The following ALMS1 variants were observed in gnomAD, a reference collection of about 807,000 sequenced individuals.
The protein encoded by ALMS1 is centrosome-associated protein ALMS1.
In ALMS1, 271 loss-of-function variants were observed where a neutral mutation model predicts 352.2. The ratio of observed to expected loss-of-function variants is 0.77; its 90% confidence interval spans 0.70 to 0.85. The LOEUF (loss-of-function observed/expected upper bound fraction) is 0.85. ALMS1 is among the 40% of genes least tolerant of loss of function. The probability of loss-of-function intolerance (pLI) is 0.00; values close to 1 mark genes in which losing one functional copy is unlikely to be tolerated. For missense variants in ALMS1, 5,445 were observed against 4,870.7 expected (o/e 1.12, Z -3.51); for synonymous variants, 1,865 against 1,761.2 (o/e 1.06, Z -1.48).
At chr2:73,476,187 A>G (rs1180234999) in intron 9 of ALMS1, among the ~76,000 whole-genome samples, 2 of 152,038 alleles carry the variant, frequency 1.3e-5, no homozygotes, top group Non-Finnish European at 2.9e-5. Flanking sequence ...TCAGTAGTAT[A>G]TTCTTAAAAT....
intron 10 of ALMS1, among the ~76,000 whole-genome samples, chr2:73,519,534 ATAATT>A (rs1410151557): frequency 6.6e-6 from 1 of 152,220 alleles, no homozygotes; most frequent in Non-Finnish European, 1.5e-5. Flanking sequence ...ACTAAATTAT[ATAATT>A]TAACATTCTA....
At chr2:73,589,348 T>A (rs1573044064) in intron 16 of ALMS1, among the ~76,000 whole-genome samples, 1 of 152,152 alleles carries the variant, frequency 6.6e-6, no homozygotes, top group Admixed American at 6.5e-5. Context: ...AGTGAAATAA[T>A]AGGATTAGAG....
At chr2:73,418,376 A>C (rs1047934885) in intron 2 of ALMS1, among the ~76,000 whole-genome samples, 1 of 152,234 alleles carries the variant, frequency 6.6e-6, no homozygotes, top group Admixed American at 6.5e-5. Context: ...GCTAATAAAA[A>C]TTCAGTCAAG....
intron 9 of ALMS1, among the ~76,000 whole-genome samples, chr2:73,485,836 T>G (rs2103879143): frequency 6.6e-6 from 1 of 152,254 alleles, no homozygotes; most frequent in South Asian, 2.1e-4. Flanking sequence ...GACCCGATTT[T>G]CCAGGTGCGT....
In ALMS1 at chr2:73,452,152, A is replaced by G. The variant is rs1214725052; in HGVS notation, c.5625A>G (p.Ala1875=). The part of the protein sequence containing the change: ...LPDLTEVTLK[A]IGVPGPADQK... ...ATCTTACTGAAGTAACTTTGAAAGC[A>G]ATAGGGGTTCCTGGGCCTGCTGACC... Residue 1875 remains alanine (A), a synonymous_variant, in exon 8 of 23, where the codon GCA becomes GCG. Transcript: ENST00000613296. The G allele has an allele frequency of 2.5e-6, 4 of 1,608,016 alleles. No homozygotes were observed. The highest frequency in any genetic ancestry group is 2.6e-6 in the Non-Finnish European group (3 of 1,176,414).
chr2:73,556,661 T>C (rs1038862918), intron 13 of ALMS1, among the ~76,000 whole-genome samples: 2 of 151,376 alleles, frequency 1.3e-5, no homozygotes, highest in African/African-American at 4.9e-5. Flanking sequence ...TTTTTTACTG[T>C]TGCATCAAAC....
At chr2:73,553,110 A>G (rs1674472346) in intron 13 of ALMS1, among the ~76,000 whole-genome samples, 1 of 152,232 alleles carries the variant, frequency 6.6e-6, no homozygotes, top group African/African-American at 2.4e-5. Flanking sequence ...TTGACATTTT[A>G]AAACTGATTT....
intron 9 of ALMS1, among the ~76,000 whole-genome samples, chr2:73,469,187 T>G (rs527694832): frequency 6.6e-6 from 1 of 151,234 alleles, no homozygotes; most frequent in Non-Finnish European, 1.5e-5. Flanking sequence ...TCAACAAGTT[T>G]AGAAAAAAAA....
At chr2:73,504,795 T>C (rs1673287141) in intron 10 of ALMS1, among the ~76,000 whole-genome samples, 1 of 152,174 alleles carries the variant, frequency 6.6e-6, no homozygotes, top group South Asian at 2.1e-4. Flanking sequence ...GTTTGTTACA[T>C]AGGTATACAT....
chr2:73,386,348 C>T (rs1186544579), intron 1 of ALMS1, among the ~76,000 whole-genome samples, 156 bp downstream of exon 1: 1 of 152,188 alleles, frequency 6.6e-6, no homozygotes, highest in Admixed American at 6.5e-5. Context: ...AGGTGCCGGC[C>T]GGCTGCTCCG....
intron 9 of ALMS1, among the ~76,000 whole-genome samples, chr2:73,474,040 C>T (rs961473535): frequency 6.6e-6 from 1 of 151,546 alleles, no homozygotes; most frequent in Admixed American, 6.6e-5. Context: ...TCAAAGAGAC[C>T]CACACCATGT....
chr2:73,392,080 A>G (rs1670660534), intron 1 of ALMS1, among the ~76,000 whole-genome samples: 1 of 151,724 alleles, frequency 6.6e-6, no homozygotes, highest in Non-Finnish European at 1.5e-5. Flanking sequence ...AATTTTGTGT[A>G]ATTATGCTTT....
At chr2:73,529,039 G>GTTTTTTT (rs34604396) in intron 11 of ALMS1, among the ~76,000 whole-genome samples, 13 of 99,508 alleles carry the variant, frequency 1.3e-4, no homozygotes, top group East Asian at 2.4e-4. Flanking sequence ...CCTCAAAGCA[G>GTTTTTTT]TTTTTTTTTT....
chr2:73,424,561 C>T lies in ALMS1; in HGVS notation c.896C>T (p.Pro299Leu), dbSNP rs199899389. The change falls in exon 5 of 23, where the codon CCG becomes CTG. Residue 299 changes from proline (P) to leucine (L), a missense_variant. Pro to Leu is a moderately conservative substitution (Grantham distance 98). Transcript: ENST00000613296. ...AGTCGCTTTAGTGTATCTCAGCACCCGCTTATAGGCAGCACAGCTGTTGGG... is the reference window on the plus strand; with the variant it reads ...AGTCGCTTTAGTGTATCTCAGCACCTGCTTATAGGCAGCACAGCTGTTGGG... Reference protein sequence around the residue: ...ASSRFSVSQHPLIGSTAVGSQ... With the variant: ...ASSRFSVSQHLLIGSTAVGSQ... 3.6e-5 allele frequency: 58 copies of T among 1,613,762 alleles called. 1 individual carries two copies. Among genetic ancestry groups the T allele is most frequent in the Non-Finnish European group, 4.3e-5 (51 of 1,179,964 alleles).
At chr2:73,498,827 G>C (rs1673163884) in intron 10 of ALMS1, among the ~76,000 whole-genome samples, 1 of 152,048 alleles carries the variant, frequency 6.6e-6, no homozygotes, top group South Asian at 2.1e-4. Context: ...TGGACACATA[G>C]GCTGCTTCCG....
chr2:73,397,636 T>C (rs1670789956), intron 1 of ALMS1, among the ~76,000 whole-genome samples: 1 of 152,176 alleles, frequency 6.6e-6, no homozygotes, highest in East Asian at 1.9e-4. Flanking sequence ...CTCAGCTAAT[T>C]ATTTTTCTTG....
intron 10 of ALMS1, among the ~76,000 whole-genome samples, chr2:73,493,057 G>T (rs1324092728): frequency 6.6e-6 from 1 of 151,738 alleles, no homozygotes; most frequent in African/African-American, 2.4e-5. Context: ...CTAAGGTATT[G>T]TACTGAATAC....
chr2:73,449,647 T>A lies in ALMS1; in HGVS notation c.3120T>A (p.Thr1040=), dbSNP rs372764773. ...GCCCTGGACCAGCTGACCAGAAGAC[T>A]GAGATACCAGCAGTACAGTCTAGTT... ...STGPGPADQK[T]EIPAVQSSSY... is the part of the protein sequence containing the mutation. The change falls in exon 8 of 23, where the codon ACT becomes ACA. Residue 1040 remains threonine (T), a synonymous_variant. Transcript: ENST00000613296. 3.1e-6 allele frequency: 5 copies of A among 1,613,874 alleles called. No homozygotes were observed. In the African/African-American group the frequency reaches 5.3e-5, roughly 17 times the overall value.
At chr2:73,543,336 C>A (rs1398028086) in intron 12 of ALMS1, among the ~76,000 whole-genome samples, 1 of 152,100 alleles carries the variant, frequency 6.6e-6, no homozygotes, top group Admixed American at 6.5e-5. Context: ...AAAGTGGATC[C>A]CTTCCTTATA....
Sources: gnomAD v4.1 joint callset for allele counts (sites outside exome capture counted in the v4.1 genomes callset) on GRCh38, gnomAD v4.1.1 for gene constraint, MANE v1.5 for transcripts, NCBI Gene and HGNC (gene_info 2026-07-23, HGNC 2026-07-21) for gene names.